Variants in DZIP3 observed in about 807,000 individuals in gnomAD.
DZIP3 encodes the protein E3 ubiquitin-protein ligase DZIP3.
DZIP3 carries 118 observed loss-of-function variants against 162.0 expected under a neutral mutation model. That is an observed-to-expected ratio of 0.73 (90% CI 0.63 to 0.85). DZIP3 has a LOEUF of 0.85. Among genes scored for constraint, DZIP3 ranks in the 40% least tolerant of loss-of-function variants. The probability of loss-of-function intolerance (pLI) is 0.00; values close to 1 mark genes in which losing one functional copy is unlikely to be tolerated. For synonymous variants in DZIP3, 438 were observed against 458.6 expected, an observed-to-expected ratio of 0.96 and a Z score of 0.57; for missense variants, 1,331 against 1,407.0, an observed-to-expected ratio of 0.95 and a Z score of 0.86.
chr3:108,644,757 A>T lies in DZIP3; in HGVS notation c.1735A>T (p.Arg579Trp). 6.2e-7 allele frequency: 1 copy of T among 1,604,396 alleles called. No homozygotes were observed. Among genetic ancestry groups the T allele is most frequent in the Non-Finnish European group, 8.5e-7 (1 of 1,177,306 alleles). ...LGIPVPEIIQ[R>W]MLSCYQQGIA... ...CATACCAGTACCAGAAATCATACAG[A>T]GGATGTTATCCTGCTATCAACAAGG... is the stretch of plus-strand genomic sequence containing the variant. The change falls in exon 14 of 33, where the codon AGG becomes TGG. Residue 579 changes from arginine to tryptophan, a missense_variant. Arg to Trp is a moderately radical substitution (Grantham distance 101). Around this residue, in one of 2 missense-constraint regions of DZIP3, gnomAD observed 1,278 missense variants for 1,317.1 expected, o/e 0.97. Coordinates refer to ENST00000361582, the MANE Select transcript of DZIP3 (RefSeq NM_014648.4).
intron 4 of DZIP3, among the ~76,000 whole-genome samples, chr3:108,615,737 A>C (rs957287035): frequency 6.6e-6 from 1 of 152,246 alleles, no homozygotes; most frequent in South Asian, 2.1e-4. Flanking sequence ...AATAAACTAT[A>C]GTACATAATA....
At chr3:108,627,366 A>G (rs1941634939) in intron 7 of DZIP3, among the ~76,000 whole-genome samples, 1 of 152,192 alleles carries the variant, frequency 6.6e-6, no homozygotes, top group African/African-American at 2.4e-5. Context: ...GAGCTCCTCA[A>G]AGACACTGGT....
At chr3:108,611,566 G>A (rs1940708601) in intron 4 of DZIP3, among the ~76,000 whole-genome samples, 1 of 152,156 alleles carries the variant, frequency 6.6e-6, no homozygotes, top group African/African-American at 2.4e-5. Context: ...TTGGTAGCTT[G>A]TAAGCTGTTG....
chr3:108,605,509 G>T lies in DZIP3; in HGVS notation c.32+71G>T, dbSNP rs1414683972. 5.3e-6 allele frequency: 8 copies of T among 1,505,500 alleles called. No homozygotes were observed. The African/African-American group carries it at 5.6e-5, about 10-fold the overall frequency. The allele number at this position is 1,505,500 out of a possible 1,614,324, so 93.3% of individuals were successfully genotyped here. A position where few individuals can be genotyped will look rare whatever the true frequency, so the allele number is the denominator to read the frequency against. ...GTGGAAAACAATTTTTCCACGGATG[G>T]TGGGGGTGCGGGGAATGGTTTTGGG... On this transcript the variant is annotated intron_variant, in intron 2 of 32. Transcript: ENST00000361582.
At chr3:108,693,041 T>C (rs1449422215) in intron 32 of DZIP3, among the ~76,000 whole-genome samples, 2 of 151,552 alleles carry the variant, frequency 1.3e-5, no homozygotes, top group Non-Finnish European at 2.9e-5. Flanking sequence ...CAATCTGATA[T>C]GCCTGTTTTC....
intron 5 of DZIP3, among the ~76,000 whole-genome samples, chr3:108,620,068 CAT>C (rs1941246726): frequency 1.3e-5 from 2 of 152,094 alleles, no homozygotes; most frequent in African/African-American, 4.8e-5. Context: ...CATAGTAGAT[CAT>C]ATGGGGAAAA....
At chr3:108,594,387 A>ATCTC (rs1406387929) in intron 1 of DZIP3, among the ~76,000 whole-genome samples, 3 of 143,134 alleles carry the variant, frequency 2.1e-5, no homozygotes, top group African/African-American at 5.1e-5. Context: ...GTCTTAGGAC[A>ATCTC]TCTCTCTCTC....
intron 4 of DZIP3, among the ~76,000 whole-genome samples, chr3:108,615,882 A>G (rs1940975780): frequency 6.6e-6 from 1 of 152,246 alleles, no homozygotes; most frequent in Non-Finnish European, 1.5e-5. Context: ...AATAGAAGGT[A>G]TGAGAGTGAA....
intron 31 of DZIP3, among the ~76,000 whole-genome samples, chr3:108,689,740 A>G (rs1944623580): frequency 6.6e-6 from 1 of 152,138 alleles, no homozygotes; most frequent in South Asian, 2.1e-4. Context: ...GATTCTTGGC[A>G]TTTATATAGA....
chr3:108,662,386 C>G, intron 21 of DZIP3, 129 bp downstream of exon 21: 1 of 1,176,310 alleles, frequency 8.5e-7, no homozygotes. Flanking sequence ...CACGACTGCA[C>G]TTGTTTAAAA....
At position 108,669,710 on chromosome 3, in the gene DZIP3, A is replaced by T. The variant is rs764388167; in HGVS notation, c.2453A>T (p.Asn818Ile). The change falls in exon 22 of 33, where the codon AAT (asparagine) becomes ATT (isoleucine). Residue 818 changes from asparagine (N) to isoleucine (I), a missense_variant. Coordinates refer to ENST00000361582, the MANE Select transcript of DZIP3 (RefSeq NM_014648.4). ...CAGCGTCAAATCCATGCTAAAGATAATGAAATCAAGAACCTTAAAGAGCAA... is the reference window on the plus strand; with the variant it reads ...CAGCGTCAAATCCATGCTAAAGATATTGAAATCAAGAACCTTAAAGAGCAA... ...KLQRQIHAKDNEIKNLKEQLS... is the reference protein window; with the variant it reads ...KLQRQIHAKDIEIKNLKEQLS... 2 of 1,611,430 alleles carry T rather than the reference A, an allele frequency of 1.2e-6. No individual in the cohort carries two copies. The highest frequency in any genetic ancestry group is 1.7e-6 in the Non-Finnish European group (2 of 1,178,438).
chr3:108,616,406 AT>A (rs5851599), intron 4 of DZIP3, 134 bp from the exon 5 acceptor site: 10,318 of 433,190 alleles, frequency 0.024, 11 homozygotes, highest in South Asian at 0.038. Flanking sequence ...GTTGGTATGG[AT>A]TTTTTTTTTT....
intron 1 of DZIP3, among the ~76,000 whole-genome samples, chr3:108,592,182 A>C (rs954927728): frequency 1.3e-5 from 2 of 152,150 alleles, no homozygotes; most frequent in African/African-American, 4.8e-5. Context: ...AAAGAGGGAC[A>C]CTAATTTTCT....
intron 18 of DZIP3, 46 bp from the exon 19 acceptor site, chr3:108,654,099 T>C: frequency 6.3e-7 from 1 of 1,587,246 alleles, no homozygotes; most frequent in Non-Finnish European, 8.6e-7. Context: ...AGATGAAAAT[T>C]ACTATACAAT....
At chr3:108,624,406 A>T in intron 5 of DZIP3, 38 bp from the exon 6 acceptor site, 2 of 1,135,068 alleles carry the variant, frequency 1.8e-6, no homozygotes, top group Non-Finnish European at 2.7e-6. Context: ...AAAGTAGCTT[A>T]GTCTAAATAA....
intron 26 of DZIP3, among the ~76,000 whole-genome samples, chr3:108,679,160 A>C (rs1944215070): frequency 6.6e-6 from 1 of 152,088 alleles, no homozygotes; most frequent in Admixed American, 6.6e-5. Flanking sequence ...CCACATTCAA[A>C]ATACTGTCCT....
intron 21 of DZIP3, among the ~76,000 whole-genome samples, chr3:108,664,645 C>T (rs981269913): frequency 6.6e-6 from 1 of 152,222 alleles, no homozygotes; most frequent in Non-Finnish European, 1.5e-5. Context: ...GTTGGTATTC[C>T]CTTTTCCCCC....
intron 5 of DZIP3, among the ~76,000 whole-genome samples, chr3:108,624,189 C>G (rs1034448473): frequency 3.3e-5 from 5 of 152,166 alleles, no homozygotes; most frequent in African/African-American, 4.8e-5. Context: ...ATTTGGCCAT[C>G]TTTCTTCCAT....
intron 26 of DZIP3, among the ~76,000 whole-genome samples, chr3:108,682,464 GACA>G (rs1944356061): frequency 6.6e-6 from 1 of 150,860 alleles, no homozygotes; most frequent in African/African-American, 2.5e-5. Flanking sequence ...TGTCATTTGT[GACA>G]ACATGGATGA....
Sources: allele counts gnomAD v4.1 joint callset (sites outside exome capture counted in the v4.1 genomes callset), GRCh38; gene constraint gnomAD v4.1.1; regional missense constraint gnomAD v4.1.1; transcripts MANE v1.5; gene names NCBI Gene and HGNC (gene_info 2026-07-23, HGNC 2026-07-21).